The following SIRPB2 variants were observed in gnomAD, a reference collection of about 807,000 sequenced individuals.
SIRPB2 encodes the protein signal regulatory protein beta 2.
In SIRPB2, 18 loss-of-function variants were observed where a neutral mutation model predicts 27.1. That is an observed-to-expected ratio of 0.66 (90% CI 0.46 to 0.98). The LOEUF (loss-of-function observed/expected upper bound fraction) is 0.98. Among genes scored for constraint, SIRPB2 ranks in the 50% least tolerant of loss-of-function variants. The pLI is 0.00. For synonymous variants in SIRPB2, 150 were observed against 164.6 expected (o/e 0.91, Z 0.68); for missense variants, 420 against 417.4 (o/e 1.01, Z -0.06).
rs531086334 is a variant in SIRPB2, at chr20:1,482,446, C to T, written c.86-2381G>A. Among the ~76,000 whole-genome samples the T allele has an allele frequency of 7.2e-5, 11 of 152,202 alleles. No homozygotes were observed. The South Asian group carries it at 1.5e-3, about 20-fold the overall frequency. On this transcript the variant is annotated intron_variant, in intron 1 of 4. Transcript: ENST00000359801. ...TATCTATCATTATAGTTTCTACTTC[C>T]GTGAGATCATTTTTAGCACCTGCAT...
chr20:1,486,630 T>C (rs1270699429), intron 1 of SIRPB2, among the ~76,000 whole-genome samples: 1 of 152,124 alleles, frequency 6.6e-6, no homozygotes, highest in Non-Finnish European at 1.5e-5. Flanking sequence ...AAATTGAGCT[T>C]ATCCCTGGAA....
At chr20:1,489,070 A>G (rs1325847886) in intron 1 of SIRPB2, among the ~76,000 whole-genome samples, 1 of 152,234 alleles carries the variant, frequency 6.6e-6, no homozygotes, top group Non-Finnish European at 1.5e-5. Flanking sequence ...TGAATCTCAA[A>G]ATAATTATGC....
chr20:1,486,714 G>A (rs1396535123), intron 1 of SIRPB2, among the ~76,000 whole-genome samples: 3 of 151,846 alleles, frequency 2.0e-5, no homozygotes, highest in East Asian at 1.9e-4. Context: ...ACACACACAC[G>A]CATATACATG....
Position 1,482,615 on chromosome 20 carries a change from TG to T in SIRPB2, c.86-2551del, listed in dbSNP as rs559054800. Among the ~76,000 whole-genome samples the T allele has an allele frequency of 6.6e-5, 10 of 150,400 alleles. No homozygotes were observed. In the South Asian group the frequency reaches 1.5e-3, roughly 23 times the overall value. ...CCTCCCTTCCTTCTTTCCTTCTTTT[TG>T]GAGTGCAATGGCACTATCTCGGCTC... On this transcript the variant is annotated intron_variant, in intron 1 of 4. Transcript: ENST00000359801.
downstream of SIRPB2, among the ~76,000 whole-genome samples, chr20:1,473,604 C>T (rs977896453): frequency 1.3e-5 from 2 of 149,766 alleles, no homozygotes; most frequent in South Asian, 2.1e-4. Flanking sequence ...TCCAGAGAGG[C>T]CTTTAAAGGT....
At chr20:1,479,585 G>A in intron 2 of SIRPB2, 115 bp downstream of exon 2, 1 of 1,425,776 alleles carries the variant, frequency 7.0e-7, no homozygotes, top group Non-Finnish European at 9.6e-7. Flanking sequence ...ATACAAATAT[G>A]TATTGTTGTA....
chr20:1,474,220 T>C (rs1452602524), downstream of SIRPB2, among the ~76,000 whole-genome samples: 1 of 152,236 alleles, frequency 6.6e-6, no homozygotes, highest in Non-Finnish European at 1.5e-5. Context: ...TCTTGTTTTC[T>C]TTTTTCTTTT....
intron 1 of SIRPB2, among the ~76,000 whole-genome samples, chr20:1,484,555 C>T (rs1010358878): frequency 6.6e-6 from 1 of 152,030 alleles, no homozygotes; most frequent in African/African-American, 2.4e-5. Flanking sequence ...ATCAACATCT[C>T]TCAAAAGAAG....
chr20:1,483,093 C>A (rs2090689437), intron 1 of SIRPB2, among the ~76,000 whole-genome samples: 1 of 150,470 alleles, frequency 6.6e-6, no homozygotes, highest in African/African-American at 2.4e-5. Flanking sequence ...GTTCCCTTTT[C>A]TCCTCATCCT....
At chr20:1,473,184 GTTTC>G (rs1353366027), downstream of SIRPB2, 2 of 152,288 alleles carry the variant, frequency 1.3e-5, no homozygotes, top group Non-Finnish European at 1.5e-5. Context: ...GCAGACTTCT[GTTTC>G]TTTCTCAGCA....
chr20:1,471,635 G>A (rs1053114265), downstream of SIRPB2, among the ~76,000 whole-genome samples: 1 of 152,178 alleles, frequency 6.6e-6, no homozygotes, highest in Non-Finnish European at 1.5e-5. Context: ...CTGCTCTCTG[G>A]GCGGTGTGTC....
At chr20:1,481,828 G>A (rs1285712858) in intron 1 of SIRPB2, among the ~76,000 whole-genome samples, 1 of 152,154 alleles carries the variant, frequency 6.6e-6, no homozygotes, top group Non-Finnish European at 1.5e-5. Context: ...GAGCTAGTCA[G>A]ATCTGTTATC....
intron 1 of SIRPB2, among the ~76,000 whole-genome samples, chr20:1,482,639 C>G (rs1489673462): frequency 1.3e-5 from 2 of 148,802 alleles, no homozygotes; most frequent in African/African-American, 5.0e-5. Flanking sequence ...ACTATCTCGG[C>G]TCACTGCAAC....
At chr20:1,471,126 C>T (rs2090580202), downstream of SIRPB2, 1 of 152,226 alleles carries the variant, frequency 6.6e-6, no homozygotes, top group Non-Finnish European at 1.5e-5. Context: ...AAGATTCCCG[C>T]ACTTCCCTGT....
chr20:1,484,685 G>A (rs2090708011), intron 1 of SIRPB2, among the ~76,000 whole-genome samples: 1 of 145,886 alleles, frequency 6.9e-6, no homozygotes, highest in Admixed American at 6.7e-5. Context: ...TGTTAAAAAG[G>A]CAACAATAAA....
intron 2 of SIRPB2, 156 bp downstream of exon 2, chr20:1,479,544 C>A (rs2123021400): frequency 8.3e-7 from 1 of 1,207,130 alleles, no homozygotes; most frequent in African/African-American, 1.5e-5. Flanking sequence ...GGAGTGGAAC[C>A]ACCCAGCCAC....
chr20:1,475,304 T>C lies in SIRPB2; in HGVS notation c.*863A>G, dbSNP rs184504162. On this transcript the variant is annotated 3_prime_UTR_variant, in exon 5 of 5. Transcript: ENST00000359801. The stretch of plus-strand genomic sequence containing the variant: ...GGAGATAACTGGTTATCCCCTGATA[T>C]CTGCCATCTGGTTTCTCTAGTGAAA... The C allele has an allele frequency of 1.4e-4, 22 of 152,322 alleles. No homozygotes were observed. Among genetic ancestry groups the C allele is most frequent in the Admixed American group, 5.9e-4 (9 of 15,308 alleles). The allele number at this position is 152,322 out of a possible 1,614,324, so 9.4% of individuals were successfully genotyped here.
rs1189826188 is a variant in SIRPB2 at position 1,478,578 on chromosome 20, T to C, written c.481A>G (p.Ile161Val). ...AACACCAATTCCTGGGGCTGGATGA[T>C]CCACAGGTCTGGTTCAGGGTCCCCA... ...GAGDPEPDLW[I>V]IQPQELVLGT... is the part of the protein sequence containing the mutation. Residue 161 changes from isoleucine (I) to valine (V), a missense_variant, in exon 3 of 5, where the codon ATC (isoleucine) becomes GTC (valine). Coordinates refer to ENST00000359801, the MANE Select transcript of SIRPB2 (RefSeq NM_001122962.2). 6.3e-7 allele frequency: 1 copy of C among 1,599,850 alleles called. No homozygotes were observed. Among genetic ancestry groups the C allele is most frequent in the Admixed American group, 1.7e-5 (1 of 58,922 alleles).
chr20:1,477,258 C>T (rs2090615323), intron 4 of SIRPB2, 80 bp downstream of exon 4: 7 of 1,613,822 alleles, frequency 4.3e-6, no homozygotes, highest in South Asian at 3.3e-5. Flanking sequence ...TCTGGGACTG[C>T]TCCCTTCCCA....
Sources: allele counts gnomAD v4.1 joint callset (sites outside exome capture counted in the v4.1 genomes callset), GRCh38; gene constraint gnomAD v4.1.1; transcripts MANE v1.5; gene names NCBI Gene and HGNC (gene_info 2026-07-23, HGNC 2026-07-21).